The following LUC7L3 variants were observed in gnomAD, a reference collection of about 807,000 sequenced individuals.
LUC7L3 encodes the protein LUC7 like 3 pre-mRNA splicing factor.
LUC7L3 carries 6 observed loss-of-function variants against 66.8 expected under a neutral mutation model. That is an observed-to-expected ratio of 0.09 (90% confidence interval 0.05 to 0.18). The LOEUF (loss-of-function observed/expected upper bound fraction) is 0.18. Ranked by LOEUF, LUC7L3 falls within the 10% of genes least tolerant of loss-of-function variation. The probability of loss-of-function intolerance (pLI) is 1.00; values close to 1 mark genes in which losing one functional copy is unlikely to be tolerated. For missense variants in LUC7L3, 341 were observed against 531.1 expected, an observed-to-expected ratio of 0.64 and a Z score of 3.52; for synonymous variants, 160 against 174.7, an observed-to-expected ratio of 0.92 and a Z score of 0.66.
intron 4 of LUC7L3, 67 bp from the exon 5 acceptor site, chr17:50,741,590 A>G (rs1388631261): frequency 1.1e-6 from 1 of 877,758 alleles, no homozygotes; most frequent in Non-Finnish European, 1.9e-6. Context: ...TATGTATGGT[A>G]TGTGCAAGTT....
chr17:50,729,899 TATATATATATATATATATATATATA>T (rs1969456777), intron 1 of LUC7L3, among the ~76,000 whole-genome samples: 3 of 14,260 alleles, frequency 2.1e-4, no homozygotes, highest in Non-Finnish European at 3.0e-4. Flanking sequence ...AAATACATTA[TATATATATATATATATATATATATA>T]TATATATATA....
chr17:50,746,018 C>G lies in LUC7L3; in HGVS notation c.977+15C>G. ...AGGCGGAGCAGGTATATATAAAACA[C>G]CCTAAGACTGTCCAGCTCATAATGG... On this transcript the variant is annotated intron_variant, in intron 8 of 9. Transcript: ENST00000505658. The G allele has an allele frequency of 6.4e-7, 1 of 1,573,642 alleles. No homozygotes were observed. The highest frequency in any genetic ancestry group is 8.6e-7 in the Non-Finnish European group (1 of 1,166,900).
intron 1 of LUC7L3, chr17:50,724,026 A>G (rs1968985994): frequency 6.7e-6 from 3 of 447,346 alleles, no homozygotes; most frequent in South Asian, 1.6e-5. Context: ...TGTAATTGCT[A>G]TTTGCTTTTC....
chr17:50,723,337 A>G (rs1407312592), intron 1 of LUC7L3: 1 of 152,248 alleles, frequency 6.6e-6, no homozygotes, highest in Non-Finnish European at 1.5e-5. Flanking sequence ...TATGAAGGAA[A>G]TTGAACTATG....
Position 50,719,771 on chromosome 17 carries a change from C to T in LUC7L3, c.39C>T (p.Gly13=), listed in dbSNP as rs1968610703. Residue 13 remains glycine (G), a synonymous_variant, in exon 1 of 10, where the codon GGC becomes GGT. Coordinates refer to ENST00000505658, the MANE Select transcript of LUC7L3 (RefSeq NM_016424.5). ...CGCAGTTGTTGGATGAGTTAATGGGCCGGGACCGAAACCTAGCCCCGGACG... is the reference window on the plus strand; with the variant it reads ...CGCAGTTGTTGGATGAGTTAATGGGTCGGGACCGAAACCTAGCCCCGGACG... The part of the protein sequence containing the change: ...SAAQLLDELM[G]RDRNLAPDEK... 5 of 1,612,124 alleles carry T rather than the reference C, an allele frequency of 3.1e-6. No homozygotes were observed. Among genetic ancestry groups the T allele is most frequent in the African/African-American group, 1.3e-5 (1 of 74,772 alleles).
rs950523434 is a variant in LUC7L3 at position 50,755,355 on chromosome 17, T to C, written c.*4694T>C. 2 of 152,212 alleles carry C rather than the reference T, an allele frequency of 1.3e-5. No individual in the cohort carries two copies. Among genetic ancestry groups the C allele is most frequent in the African/African-American group, 4.8e-5 (2 of 41,452 alleles). The allele number at this position is 152,212 out of a possible 1,614,324, so 9.4% of individuals were successfully genotyped here. A position where few individuals can be genotyped will look rare whatever the true frequency, so the allele number is the denominator to read the frequency against. On this transcript the variant is annotated 3_prime_UTR_variant, in exon 10 of 10. Transcript: ENST00000505658. Reference sequence around the variant, plus strand: ...ATATATGTATAGATCTTTCAAAATATATGACGGTATACCCGTATGTTCTGA... The same window carrying C: ...ATATATGTATAGATCTTTCAAAATACATGACGGTATACCCGTATGTTCTGA...
chr17:50,743,823 T>G lies in LUC7L3; in HGVS notation c.531+13T>G. ...GTCCACAACGTCGGTGAGTAAACCT[T>G]ATTTCACATTATCTCATCTGTCTGT... On this transcript the variant is annotated intron_variant, in intron 6 of 9. Coordinates refer to ENST00000505658, the MANE Select transcript of LUC7L3 (RefSeq NM_016424.5). The G allele has an allele frequency of 1.3e-6, 2 of 1,542,750 alleles. No homozygotes were observed. The highest frequency in any genetic ancestry group is 1.8e-6 in the Non-Finnish European group (2 of 1,118,992).
chr17:50,739,724 C>T (rs1215834763), intron 2 of LUC7L3, among the ~76,000 whole-genome samples: 3 of 152,152 alleles, frequency 2.0e-5, no homozygotes, highest in Admixed American at 2.0e-4. Flanking sequence ...TTTGTTTGGC[C>T]TGACAGTGAA....
rs1050534870 is a variant in LUC7L3 at position 50,752,962 on chromosome 17, G to A, written c.*2301G>A. 1 of 150,582 alleles carries A rather than the reference G, an allele frequency of 6.6e-6. No homozygotes were observed. Among genetic ancestry groups the A allele is most frequent in the African/African-American group, 2.5e-5 (1 of 40,726 alleles). The allele number at this position is 150,582 out of a possible 1,614,324, so 9.3% of individuals were successfully genotyped here. A position where few individuals can be genotyped will look rare whatever the true frequency, so the allele number is the denominator to read the frequency against. ...TAGAAAATTCCAAGTATCCTGACAA[G>A]CACTCTTTAGCTGGCTAGCTATGGG... On this transcript the variant is annotated 3_prime_UTR_variant, in exon 10 of 10. Coordinates refer to ENST00000505658, the MANE Select transcript of LUC7L3 (RefSeq NM_016424.5).
chr17:50,749,891 T>C (rs1471933159), intron 9 of LUC7L3, among the ~76,000 whole-genome samples: 1 of 152,194 alleles, frequency 6.6e-6, no homozygotes, highest in African/African-American at 2.4e-5. Flanking sequence ...ATTTCTCTTT[T>C]TGGAAAAACA....
chr17:50,721,271 A>C (rs1238240056), intron 1 of LUC7L3, among the ~76,000 whole-genome samples: 19 of 151,996 alleles, frequency 1.3e-4, no homozygotes, highest in Admixed American at 1.2e-3. Flanking sequence ...TTTCCATTGC[A>C]CTCCTTATCA....
Position 50,743,702 on chromosome 17 carries a change from T to C in LUC7L3, c.427-4T>C, listed in dbSNP as rs1358923203. ...TAACTGTTTTTTTCCCCTACTCTTC[T>C]AAGATTGAAGAATTAGGGTCTGAAG... On this transcript the variant is annotated splice_region_variant and splice_polypyrimidine_tract_variant and intron_variant, in intron 5 of 9. Transcript: ENST00000505658. 2 of 1,577,312 alleles carry C rather than the reference T, an allele frequency of 1.3e-6. No individual in the cohort carries two copies. The highest frequency in any genetic ancestry group is 1.7e-6 in the Non-Finnish European group (2 of 1,148,452).
Position 50,749,450 on chromosome 17 carries a change from G to T in LUC7L3, c.1139-1051G>T. 2.0e-6 allele frequency: 2 copies of T among 999,856 alleles called. 1 individual carries two copies. Among genetic ancestry groups the T allele is most frequent in the South Asian group, 3.4e-5 (2 of 58,812 alleles). 61.9% of individuals were successfully genotyped at this position (999,856 alleles called of 1,614,324 possible). ...GGACATTGCTTTGTGTATTATGCAAGTGTTACGGACTAAATATGCTCTTTT... is the reference window on the plus strand; with the variant it reads ...GGACATTGCTTTGTGTATTATGCAATTGTTACGGACTAAATATGCTCTTTT... On this transcript the variant is annotated intron_variant, in intron 9 of 9. Coordinates refer to ENST00000505658, the MANE Select transcript of LUC7L3 (RefSeq NM_016424.5).
At chr17:50,739,239 T>G (rs1970190391) in intron 2 of LUC7L3, among the ~76,000 whole-genome samples, 1 of 152,094 alleles carries the variant, frequency 6.6e-6, no homozygotes, top group Non-Finnish European at 1.5e-5. Context: ...TATCCCAGAT[T>G]GAAGTAAGGC....
Position 50,741,002 on chromosome 17 carries a change from G to C in LUC7L3, c.207-100G>C, listed in dbSNP as rs1318758381. 4 of 1,167,316 alleles carry C rather than the reference G, an allele frequency of 3.4e-6. No individual in the cohort carries two copies. The East Asian group carries it at 7.0e-5, about 20-fold the overall frequency. The allele number at this position is 1,167,316 out of a possible 1,614,324, so 72.3% of individuals were successfully genotyped here. A position where few individuals can be genotyped will look rare whatever the true frequency, so the allele number is the denominator to read the frequency against. On this transcript the variant is annotated intron_variant, in intron 3 of 9. Transcript: ENST00000505658. Reference sequence around the variant, plus strand: ...TCAAATACACCTGGTTTACCCTGCAGCCTAAATGGAATAGTCGTTGAGGCT... The same window carrying C: ...TCAAATACACCTGGTTTACCCTGCACCCTAAATGGAATAGTCGTTGAGGCT...
In LUC7L3 at chr17:50,749,660, AG is replaced by A. The variant is rs61233883; in HGVS notation, c.1139-840del. Reference sequence around the variant, plus strand: ...CTACTCTGCCAGACCAGCTATTCTTAGTAAGGGGAAAAGTAATTTTTCCAGA... The same window carrying A: ...CTACTCTGCCAGACCAGCTATTCTTATAAGGGGAAAAGTAATTTTTCCAGA... On this transcript the variant is annotated intron_variant, in intron 9 of 9. Transcript: ENST00000505658. 4.6e-5 allele frequency among the ~76,000 whole-genome samples: 7 copies of A among 152,282 alleles called. No homozygotes were observed. The East Asian group carries it at 1.2e-3, about 25-fold the overall frequency.
In LUC7L3 at chr17:50,743,852, CAGTT is replaced by C. The variant is rs773951093; in HGVS notation, c.531+46_531+49del. 504 of 1,359,368 alleles carry C rather than the reference CAGTT, an allele frequency of 3.7e-4. 3 individuals are homozygous for C. The highest frequency in any genetic ancestry group is 5.4e-4 in the African/African-American group (37 of 68,722). The allele number at this position is 1,359,368 out of a possible 1,614,324, so 84.2% of individuals were successfully genotyped here. A position where few individuals can be genotyped will look rare whatever the true frequency, so the allele number is the denominator to read the frequency against. On this transcript the variant is annotated intron_variant, in intron 6 of 9. Transcript: ENST00000505658. The stretch of plus-strand genomic sequence containing the variant: ...TCACATTATCTCATCTGTCTGTTAA[CAGTT>C]AGTAGGAACTCATTTTTATTTGAGA...
rs554120476 is a variant in LUC7L3, at chr17:50,739,611, G to C, written c.167-695G>C. Among the ~76,000 whole-genome samples, 9 of 152,106 alleles carry C rather than the reference G, an allele frequency of 5.9e-5. No homozygotes were observed. In the South Asian group the frequency reaches 1.9e-3, roughly 31 times the overall value. Reference sequence around the variant, plus strand: ...AGAAGTTGCGGTGAGCCAAAATTGCGCCGCTGCACTCCGGCCTGGGCGACA... The same window carrying C: ...AGAAGTTGCGGTGAGCCAAAATTGCCCCGCTGCACTCCGGCCTGGGCGACA... On this transcript the variant is annotated intron_variant, in intron 2 of 9. Coordinates refer to ENST00000505658, the MANE Select transcript of LUC7L3 (RefSeq NM_016424.5).
intron 1 of LUC7L3, among the ~76,000 whole-genome samples, chr17:50,735,597 C>G (rs1969932870): frequency 6.6e-6 from 1 of 152,066 alleles, no homozygotes. Flanking sequence ...CCTCGACCTC[C>G]CAGGCTCAAG....
Sources: gnomAD v4.1 joint callset for allele counts (sites outside exome capture counted in the v4.1 genomes callset) on GRCh38, gnomAD v4.1.1 for gene constraint, MANE v1.5 for transcripts, NCBI Gene and HGNC (gene_info 2026-07-23, HGNC 2026-07-21) for gene names.